NOMO1: variants seen among roughly 807,000 people sequenced by gnomAD.
NOMO1 encodes the protein nodal modulator 3.
Under a neutral mutation model 133.8 loss-of-function variants are expected in NOMO1, and 40 were observed. The ratio of observed to expected loss-of-function variants is 0.30; its 90% CI spans 0.23 to 0.39. The LOEUF is 0.39. Among genes scored for constraint, NOMO1 ranks in the 10% least tolerant of loss-of-function variants. The pLI is 1.00. For missense variants in NOMO1, 462 were observed against 1,419.9 expected, an observed-to-expected ratio of 0.33 and a Z score of 10.84; for synonymous variants, 236 against 570.5, an observed-to-expected ratio of 0.41 and a Z score of 8.36.
At chr16:14,867,306 G>GC (rs1186921645) in intron 15 of NOMO1, among the ~76,000 whole-genome samples, 2 of 91,528 alleles carry the variant, frequency 2.2e-5, no homozygotes, top group Non-Finnish European at 4.7e-5. Context: ...TCCTGCTTCA[G>GC]CCCCCCGAGT....
chr16:14,894,416 G>A, intron 29 of NOMO1, among the ~76,000 whole-genome samples: 1 of 152,060 alleles, frequency 6.6e-6, no homozygotes, highest in Non-Finnish European at 1.5e-5. Flanking sequence ...CTGCAGGGGA[G>A]GCTGGAAAAG....
chr16:14,857,186 G>A (rs1963852688), intron 9 of NOMO1, 31 bp from the exon 10 acceptor site: 10 of 1,610,578 alleles, frequency 6.2e-6, no homozygotes, highest in Admixed American at 1.7e-5. Context: ...GAGCACCTTC[G>A]AGCACCTTCT....
intron 3 of NOMO1, among the ~76,000 whole-genome samples, chr16:14,843,029 T>A (rs1320577724): frequency 7.1e-6 from 1 of 140,272 alleles, no homozygotes; most frequent in African/African-American, 2.6e-5. Flanking sequence ...GCAATTCTTG[T>A]GCCTCAGCCT....
At chr16:14,891,913 T>C (rs1163997509) in intron 29 of NOMO1, among the ~76,000 whole-genome samples, 2 of 152,058 alleles carry the variant, frequency 1.3e-5, no homozygotes, top group Non-Finnish European at 2.9e-5. Flanking sequence ...GAGGAAACAC[T>C]TCCTTGTTAC....
chr16:14,859,688 C>G (rs1474721706), intron 11 of NOMO1, among the ~76,000 whole-genome samples: 1 of 151,534 alleles, frequency 6.6e-6, no homozygotes, highest in African/African-American at 2.4e-5. Context: ...ATAACCTGGT[C>G]TAAAAATAAA....
At chr16:14,887,785 A>G (rs1964347823) in intron 28 of NOMO1, among the ~76,000 whole-genome samples, 1 of 151,974 alleles carries the variant, frequency 6.6e-6, no homozygotes, top group Non-Finnish European at 1.5e-5. Flanking sequence ...CCTCTATTTA[A>G]CATTCTGCTA....
Position 14,846,666 on chromosome 16 carries a change from T to C in NOMO1, c.492T>C (p.Val164=). ...TGTEAKIQST[V]TQPGGKFAFF... is the part of the protein sequence containing the mutation. ...CCGAAGCAAAGATCCAGTCCACAGT[T>C]ACACAGCCTGGCGGAAAGTGAGTAG... The change falls in exon 5 of 31, where the codon GTT becomes GTC. Residue 164 remains valine (V), a synonymous_variant. Transcript: ENST00000287667. The C allele has an allele frequency of 7.8e-7, 1 of 1,276,976 alleles. No homozygotes were observed. The highest frequency in any genetic ancestry group is 2.4e-5 in the East Asian group (1 of 41,030). The allele number at this position is 1,276,976 out of a possible 1,614,324, so 79.1% of individuals were successfully genotyped here. A position where few individuals can be genotyped will look rare whatever the true frequency, so the allele number is the denominator to read the frequency against.
At chr16:14,870,538 G>GA (rs1421030072) in intron 16 of NOMO1, among the ~76,000 whole-genome samples, 4 of 141,034 alleles carry the variant, frequency 2.8e-5, no homozygotes, top group Admixed American at 7.1e-5. Flanking sequence ...CTCAAGGCAG[G>GA]AAGGATGCCT....
rs1388528109 is a variant in NOMO1, at chr16:14,866,555, T to A, written c.1670T>A (p.Ile557Lys). ...FDNVLPGKYK[I>K]SIMHEDWCWK... Reference sequence around the variant, plus strand: ...CCGTTTTTGGTGTTTGCTTTTGCAGTAAGCATCATGCATGAGGATTGGTGC... The same window carrying A: ...CCGTTTTTGGTGTTTGCTTTTGCAGAAAGCATCATGCATGAGGATTGGTGC... The change falls in exon 15 of 31, where the codon ATA (isoleucine) becomes AAA (lysine). Residue 557 changes from isoleucine to lysine, a missense_variant and splice_region_variant. Ile to Lys is a moderately radical substitution (Grantham distance 102). Coordinates refer to ENST00000287667, the MANE Select transcript of NOMO1 (RefSeq NM_014287.4). 1 of 1,610,188 alleles carries A rather than the reference T, an allele frequency of 6.2e-7. No individual in the cohort carries two copies. Among genetic ancestry groups the A allele is most frequent in the Admixed American group, 1.7e-5 (1 of 59,956 alleles).
At chr16:14,846,722 G>A (rs1339923219) in intron 5 of NOMO1, 39 bp downstream of exon 5, 8 of 796,882 alleles carry the variant, frequency 1.0e-5, no homozygotes, top group South Asian at 1.8e-5. Context: ...CCTTAGAGCC[G>A]GGCTCTGACA....
chr16:14,892,148 G>C (rs1964413723), intron 29 of NOMO1, among the ~76,000 whole-genome samples: 1 of 151,758 alleles, frequency 6.6e-6, no homozygotes, highest in South Asian at 2.1e-4. Context: ...TCGAGAGGCT[G>C]TGGCAGGAGA....
chr16:14,839,686 A>G (rs1247555225), intron 2 of NOMO1, among the ~76,000 whole-genome samples: 5 of 150,222 alleles, frequency 3.3e-5, no homozygotes, highest in Non-Finnish European at 7.4e-5. Flanking sequence ...CCAGAGGGAC[A>G]TTTGGTTTTT....
chr16:14,875,016 A>G lies in NOMO1; in HGVS notation c.2055-20A>G, dbSNP rs372427793. On this transcript the variant is annotated intron_variant, in intron 18 of 30. Coordinates refer to ENST00000287667, the MANE Select transcript of NOMO1 (RefSeq NM_014287.4). Reference sequence around the variant, plus strand: ...CCACAAGGATACGCAACTATGTCCTAGGGGCCGTCTTTCTTCTAGGTCTTC... The same window carrying G: ...CCACAAGGATACGCAACTATGTCCTGGGGGCCGTCTTTCTTCTAGGTCTTC... 15 of 1,613,674 alleles carry G rather than the reference A, an allele frequency of 9.3e-6. No homozygotes were observed. The highest frequency in any genetic ancestry group is 1.3e-5 in the African/African-American group (1 of 74,784).
chr16:14,860,908 A>G (rs1963914543), intron 11 of NOMO1, among the ~76,000 whole-genome samples: 2 of 150,134 alleles, frequency 1.3e-5, no homozygotes, highest in Non-Finnish European at 3.0e-5. Flanking sequence ...AGGCTGGAGT[A>G]CAGTGGCGCC....
At chr16:14,870,875 G>A (rs891687580) in intron 16 of NOMO1, among the ~76,000 whole-genome samples, 8 of 147,982 alleles carry the variant, frequency 5.4e-5, no homozygotes, top group Non-Finnish European at 1.0e-4. Context: ...TGGCCAGGAA[G>A]AGGTGCTCTG....
rs1182910692 is a variant in NOMO1, at chr16:14,864,735, T to C, written c.1537+9T>C. 1.2e-6 allele frequency: 2 copies of C among 1,613,462 alleles called. No individual in the cohort carries two copies. Among genetic ancestry groups the C allele is most frequent in the Non-Finnish European group, 1.7e-6 (2 of 1,179,782 alleles). ...GAAAGTCTCTTGTTTGGGTAAGATATCACTGGAAAGTAAGAACACATAGTT... is the reference window on the plus strand; with the variant it reads ...GAAAGTCTCTTGTTTGGGTAAGATACCACTGGAAAGTAAGAACACATAGTT... On this transcript the variant is annotated intron_variant, in intron 13 of 30. Coordinates refer to ENST00000287667, the MANE Select transcript of NOMO1 (RefSeq NM_014287.4).
chr16:14,892,462 T>C (rs899105978), intron 29 of NOMO1, among the ~76,000 whole-genome samples: 10 of 151,580 alleles, frequency 6.6e-5, no homozygotes, highest in African/African-American at 2.2e-4. Flanking sequence ...TGCTTGGTGG[T>C]GGCCAAGCAG....
chr16:14,842,654 C>T (rs1567536240), intron 3 of NOMO1, among the ~76,000 whole-genome samples: 1 of 152,074 alleles, frequency 6.6e-6, no homozygotes, highest in South Asian at 2.1e-4. Flanking sequence ...ACCAGCACCC[C>T]AGAAGTCCCC....
chr16:14,859,020 G>C (rs1335447248), intron 11 of NOMO1, among the ~76,000 whole-genome samples: 4 of 152,026 alleles, frequency 2.6e-5, no homozygotes, highest in Non-Finnish European at 5.9e-5. Context: ...CTCTTCAATA[G>C]GTACTTGGAT....
Sources: allele counts gnomAD v4.1 joint callset (sites outside exome capture counted in the v4.1 genomes callset), GRCh38; gene constraint gnomAD v4.1.1; transcripts MANE v1.5; gene names NCBI Gene and HGNC (gene_info 2026-07-23, HGNC 2026-07-21).